The following PRDM16 variants were observed in gnomAD, a reference collection of about 807,000 sequenced individuals.
The protein encoded by PRDM16 is histone-lysine N-methyltransferase PRDM16.
In PRDM16, 23 loss-of-function variants were observed where a neutral mutation model predicts 110.6. The ratio of observed to expected loss-of-function variants is 0.21; its 90% CI spans 0.15 to 0.29. The LOEUF (loss-of-function observed/expected upper bound fraction) is 0.29, where lower values mean the gene tolerates loss of function less well. PRDM16 is among the 10% of genes least tolerant of loss of function. PRDM16 has a pLI of 1.00. For synonymous variants in PRDM16, 799 were observed against 781.8 expected, an observed-to-expected ratio of 1.02 and a Z score of -0.37; for missense variants, 1,615 against 1,794.3, an observed-to-expected ratio of 0.90 and a Z score of 1.81.
intron 1 of PRDM16, among the ~76,000 whole-genome samples, chr1:3,075,041 C>T (rs909433003): frequency 6.6e-6 from 1 of 152,242 alleles, no homozygotes; most frequent in Non-Finnish European, 1.5e-5. Context: ...CCTGGTCTGA[C>T]CACTTCACTC....
At chr1:3,147,658 C>G (rs952031186) in intron 1 of PRDM16, among the ~76,000 whole-genome samples, 1 of 152,194 alleles carries the variant, frequency 6.6e-6, no homozygotes, top group Non-Finnish European at 1.5e-5. Context: ...GCGTCGCACA[C>G]AGCACCGGTC....
chr1:3,319,337 A>G (rs1387555009), intron 3 of PRDM16, among the ~76,000 whole-genome samples: 1 of 152,232 alleles, frequency 6.6e-6, no homozygotes, highest in Non-Finnish European at 1.5e-5. Context: ...TGGAAGGGCA[A>G]AAAGGTCACT....
In PRDM16 at chr1:3,274,661, G is replaced by A. The variant is rs1342280323; in HGVS notation, c.438+30524G>A. On this transcript the variant is annotated intron_variant, in intron 3 of 16. Transcript: ENST00000270722. ...CTGTCACGTCGGCTCCTGCCGGAGC[G>A]AGGCCTTGTCTGCGAGCTGCGTGAT... Among the ~76,000 whole-genome samples the A allele has an allele frequency of 2.6e-5, 4 of 152,326 alleles. No individual in the cohort carries two copies. In the East Asian group the frequency reaches 5.8e-4, roughly 22 times the overall value.
intron 2 of PRDM16, among the ~76,000 whole-genome samples, chr1:3,230,895 C>T (rs916273945): frequency 1.3e-5 from 2 of 152,164 alleles, no homozygotes; most frequent in African/African-American, 2.4e-5. Flanking sequence ...GTGTTGGGAG[C>T]AGGTGTGAGC....
intron 1 of PRDM16, among the ~76,000 whole-genome samples, chr1:3,141,573 G>C (rs976473014): frequency 6.6e-6 from 1 of 152,234 alleles, no homozygotes; most frequent in East Asian, 1.9e-4. Flanking sequence ...GCCTCTGCCC[G>C]GACCCTTCTG....
intron 1 of PRDM16, among the ~76,000 whole-genome samples, chr1:3,138,611 C>A (rs575841903): frequency 6.6e-6 from 1 of 152,354 alleles, no homozygotes; most frequent in South Asian, 2.1e-4. Context: ...TGGAAGGCAA[C>A]TGAGGGAGCC....
At chr1:3,356,427 G>A (rs75119445) in intron 3 of PRDM16, among the ~76,000 whole-genome samples, 103 of 152,336 alleles carry the variant, frequency 6.8e-4, no homozygotes, top group African/African-American at 2.2e-3. Context: ...TCTGCCCTCC[G>A]GGGAGACGGG....
Position 3,209,766 on chromosome 1 carries a change from A to C in PRDM16, c.387+23292A>C, listed in dbSNP as rs533617228. ...GGGTTGGGCCAGGAACTTGTCTTGT[A>C]GTTTCCTGAGCACGACAGCCAGGAC... is the stretch of plus-strand genomic sequence containing the variant. On this transcript the variant is annotated intron_variant, in intron 2 of 16. Coordinates refer to ENST00000270722, the MANE Select transcript of PRDM16 (RefSeq NM_022114.4). The surrounding 1 kb of genome is among the most constrained non-coding windows in gnomAD (Gnocchi z 4.6). Among the ~76,000 whole-genome samples the C allele has an allele frequency of 9.9e-4, 151 of 152,280 alleles. 1 individual carries two copies. The highest frequency in any genetic ancestry group is 3.5e-3 in the African/African-American group (144 of 41,560).
intron 1 of PRDM16, among the ~76,000 whole-genome samples, chr1:3,070,817 T>C (rs1408707202): frequency 6.6e-6 from 1 of 152,104 alleles, no homozygotes; most frequent in Non-Finnish European, 1.5e-5. Flanking sequence ...GCTCCCGAGT[T>C]TGTGCCGGAC....
At chr1:3,261,593 G>C (rs1413573513) in intron 3 of PRDM16, among the ~76,000 whole-genome samples, 2 of 152,028 alleles carry the variant, frequency 1.3e-5, no homozygotes, top group African/African-American at 2.4e-5. Flanking sequence ...CCAGGGGGCC[G>C]GGTAGATGAC....
At chr1:3,173,840 CT>C (rs1644056283) in intron 1 of PRDM16, among the ~76,000 whole-genome samples, 1 of 152,218 alleles carries the variant, frequency 6.6e-6, no homozygotes, top group Non-Finnish European at 1.5e-5. Flanking sequence ...GGTGCAAAGC[CT>C]TTGTTCTTCC....
chr1:3,433,906 T>A lies in PRDM16; in HGVS notation c.*95T>A. On this transcript the variant is annotated 3_prime_UTR_variant, in exon 17 of 17. Coordinates refer to ENST00000270722, the MANE Select transcript of PRDM16 (RefSeq NM_022114.4). Reference sequence around the variant, plus strand: ...CCCCGGAGAACCCTGTCCCTGCGTGTGGCCACTCCTCAGCATCCTCCCCAC... The same window carrying A: ...CCCCGGAGAACCCTGTCCCTGCGTGAGGCCACTCCTCAGCATCCTCCCCAC... 1 of 1,285,478 alleles carries A rather than the reference T, an allele frequency of 7.8e-7. No individual in the cohort carries two copies. The highest frequency in any genetic ancestry group is 1.1e-6 in the Non-Finnish European group (1 of 929,134). The allele number at this position is 1,285,478 out of a possible 1,614,324, so 79.6% of individuals were successfully genotyped here.
At chr1:3,431,218 T>TACTCCAGC (rs1038085237) in intron 15 of PRDM16, 110 bp downstream of exon 15, 10 of 1,462,828 alleles carry the variant, frequency 6.8e-6, no homozygotes, top group African/African-American at 1.4e-5. Context: ...GCTCAGCCCC[T>TACTCCAGC]ACTCCAGCAC....
At chr1:3,408,694 GCA>G (rs1643606600) in intron 8 of PRDM16, among the ~76,000 whole-genome samples, 1 of 150,164 alleles carries the variant, frequency 6.7e-6, no homozygotes, top group African/African-American at 2.5e-5. Context: ...GTGAGCCGGT[GCA>G]TGTGTTGGCG....
intron 1 of PRDM16, among the ~76,000 whole-genome samples, chr1:3,137,823 C>T (rs889182253): frequency 1.3e-5 from 2 of 152,240 alleles, no homozygotes; most frequent in South Asian, 2.1e-4. Flanking sequence ...GCTGGGACCT[C>T]GCTTGTCCGG....
intron 3 of PRDM16, among the ~76,000 whole-genome samples, chr1:3,365,724 C>T (rs774173427): frequency 6.6e-6 from 1 of 152,226 alleles, no homozygotes; most frequent in Admixed American, 6.5e-5. Flanking sequence ...CCCGTCACCT[C>T]GCCGCGGCCT....
intron 2 of PRDM16, among the ~76,000 whole-genome samples, chr1:3,204,179 G>T (rs1349173733): frequency 6.6e-6 from 1 of 152,224 alleles, no homozygotes; most frequent in Non-Finnish European, 1.5e-5. Flanking sequence ...TGGAGATAAT[G>T]TTAGTGAAAT....
intron 3 of PRDM16, among the ~76,000 whole-genome samples, chr1:3,249,271 G>C (rs1639869762): frequency 6.6e-6 from 1 of 152,208 alleles, no homozygotes; most frequent in East Asian, 1.9e-4. Context: ...GAGATGGAGG[G>C]ACCCTCAAAC....
chr1:3,181,613 C>CGGTCTT (rs1256010916), intron 1 of PRDM16, among the ~76,000 whole-genome samples: 3 of 150,558 alleles, frequency 2.0e-5, no homozygotes, highest in African/African-American at 7.3e-5. Flanking sequence ...TGCAGTCTTA[C>CGGTCTT]ACACGGTCTT....
Sources: allele counts gnomAD v4.1 joint callset (sites outside exome capture counted in the v4.1 genomes callset), GRCh38; gene constraint gnomAD v4.1.1; non-coding constraint Gnocchi (gnomAD v3.1); transcripts MANE v1.5; gene names NCBI Gene and HGNC (gene_info 2026-07-23, HGNC 2026-07-21).